Variants in SNTG2 observed in about 807,000 individuals in gnomAD.
SNTG2 encodes the protein gamma-2-syntrophin.
A neutral mutation model predicts 70.9 loss-of-function variants in SNTG2; 74 were observed. The observed-to-expected ratio is 1.04, with a 90% CI of 0.86 to 1.27. SNTG2 has a LOEUF of 1.27. Among genes scored for constraint, SNTG2 ranks in the 50% most tolerant of loss-of-function variants. The pLI, the probability that SNTG2 is intolerant of heterozygous loss-of-function variation, is 0.00. For synonymous variants in SNTG2, 278 were observed against 273.8 expected, an observed-to-expected ratio of 1.02 and a Z score of -0.15; for missense variants, 717 against 690.7, an observed-to-expected ratio of 1.04 and a Z score of -0.43.
At chr2:1,332,134 A>G (rs1197807656) in intron 16 of SNTG2, among the ~76,000 whole-genome samples, 3 of 152,190 alleles carry the variant, frequency 2.0e-5, no homozygotes, top group African/African-American at 7.2e-5. Flanking sequence ...TCATTTGGTA[A>G]ACATATGTCA....
chr2:1,212,706 G>A (rs1050888229), intron 9 of SNTG2, among the ~76,000 whole-genome samples: 2 of 152,256 alleles, frequency 1.3e-5, no homozygotes, highest in African/African-American at 2.4e-5. Context: ...GTCCCATTTA[G>A]AGGCTGAGAT....
chr2:1,247,936 T>C (rs1677530575), intron 12 of SNTG2, among the ~76,000 whole-genome samples: 1 of 152,208 alleles, frequency 6.6e-6, no homozygotes, highest in African/African-American at 2.4e-5. Context: ...AATTTCATTT[T>C]CCAGTGCCCA....
chr2:1,096,424 G>A (rs997492192), intron 2 of SNTG2, among the ~76,000 whole-genome samples: 1 of 152,072 alleles, frequency 6.6e-6, no homozygotes, highest in African/African-American at 2.4e-5. Flanking sequence ...TTCCATTAGA[G>A]CCACAGAACT....
At chr2:1,100,139 C>T (rs1326151001) in intron 4 of SNTG2, among the ~76,000 whole-genome samples, 2 of 151,130 alleles carry the variant, frequency 1.3e-5, no homozygotes, top group Non-Finnish European at 2.9e-5. Flanking sequence ...AATGAAAGGA[C>T]GATTCTTTTC....
intron 1 of SNTG2, among the ~76,000 whole-genome samples, chr2:1,022,826 G>C (rs35805856): frequency 0.081 from 12,294 of 152,222 alleles, 718 homozygotes; most frequent in Admixed American, 0.2. Context: ...TAGCTGAGAA[G>C]CTGCAGTTAA....
rs187711394 is a variant in SNTG2, at chr2:1,364,631, G to A, written c.1489-2712G>A. Among the ~76,000 whole-genome samples, 25 of 151,164 alleles carry A rather than the reference G, an allele frequency of 1.7e-4. No individual in the cohort carries two copies. In the East Asian group the frequency reaches 4.7e-3, roughly 28 times the overall value. On this transcript the variant is annotated intron_variant, in intron 16 of 16. Transcript: ENST00000308624. The stretch of plus-strand genomic sequence containing the variant: ...AAATTAGCCAGGCATGGTGGTGGGC[G>A]CCTGTAGTCCCAGCTACTTGGGAGG...
intron 8 of SNTG2, among the ~76,000 whole-genome samples, chr2:1,186,518 C>T (rs1400572547): frequency 6.6e-6 from 1 of 152,122 alleles, no homozygotes; most frequent in Non-Finnish European, 1.5e-5. Flanking sequence ...TTAATTGGCT[C>T]ATAGTACCAC....
intron 9 of SNTG2, among the ~76,000 whole-genome samples, chr2:1,216,811 C>G (rs551740424): frequency 6.6e-6 from 1 of 152,164 alleles, no homozygotes; most frequent in Non-Finnish European, 1.5e-5. Flanking sequence ...AGGGAGAGAC[C>G]TGGTGGGAGA....
At chr2:1,004,263 A>G (rs199958479) in intron 1 of SNTG2, among the ~76,000 whole-genome samples, 8 of 152,360 alleles carry the variant, frequency 5.3e-5, no homozygotes, top group East Asian at 3.9e-4. Flanking sequence ...AGCCTGGTTT[A>G]TGTTGGATAT....
intron 9 of SNTG2, among the ~76,000 whole-genome samples, chr2:1,221,449 GTCTC>G (rs1198890025): frequency 2.3e-5 from 2 of 86,178 alleles, no homozygotes; most frequent in Non-Finnish European, 4.4e-5. Context: ...CTCTGTCTCT[GTCTC>G]TCTCTGTCTC....
intron 16 of SNTG2, among the ~76,000 whole-genome samples, chr2:1,322,617 G>GTCTCTATCTCTCTCACTCTGTCTCTC (rs1681582743): frequency 1.3e-5 from 2 of 151,960 alleles, no homozygotes; most frequent in Non-Finnish European, 2.9e-5. Flanking sequence ...CTTTGTCTCT[G>GTCTCTATCTCTCTCACTCTGTCTCTC]TCTCTATCTC....
At chr2:1,034,823 T>A (rs1339152614) in intron 1 of SNTG2, among the ~76,000 whole-genome samples, 1 of 152,214 alleles carries the variant, frequency 6.6e-6, no homozygotes, top group Non-Finnish European at 1.5e-5. Context: ...GGCAGAAAAT[T>A]AACAAAGACA....
chr2:1,229,306 C>G (rs571172248), intron 9 of SNTG2, among the ~76,000 whole-genome samples: 1 of 11,378 alleles, frequency 8.8e-5, no homozygotes, highest in South Asian at 6.9e-3. Context: ...ACGTTCCCAT[C>G]AGGTTAGATA....
intron 13 of SNTG2, among the ~76,000 whole-genome samples, chr2:1,265,753 A>G (rs1678694193): frequency 6.6e-6 from 1 of 152,250 alleles, no homozygotes; most frequent in South Asian, 2.1e-4. Flanking sequence ...GCTGGTTGGC[A>G]CAAGTGAATG....
intron 1 of SNTG2, among the ~76,000 whole-genome samples, chr2:965,508 CAGGG>C (rs1468639057): frequency 6.7e-6 from 1 of 149,614 alleles, no homozygotes; most frequent in African/African-American, 2.5e-5. Context: ...TGGTCTTCTT[CAGGG>C]TCCCCTCCTC....
chr2:1,216,861 T>C (rs998962554), intron 9 of SNTG2, among the ~76,000 whole-genome samples: 2 of 152,198 alleles, frequency 1.3e-5, no homozygotes, highest in African/African-American at 4.8e-5. Context: ...GTTGTTCTCA[T>C]GATAGCGAGT....
At chr2:1,101,289 A>G (rs1351574792) in intron 4 of SNTG2, among the ~76,000 whole-genome samples, 1 of 151,600 alleles carries the variant, frequency 6.6e-6, no homozygotes, top group East Asian at 1.9e-4. Flanking sequence ...CAGGCCCACG[A>G]CCTCAGCAGG....
At chr2:1,152,646 C>A (rs77420961) in intron 6 of SNTG2, among the ~76,000 whole-genome samples, 1 of 152,118 alleles carries the variant, frequency 6.6e-6, no homozygotes, top group Non-Finnish European at 1.5e-5. Flanking sequence ...TTGTGTGTAA[C>A]ATTTGTAGTT....
intron 1 of SNTG2, among the ~76,000 whole-genome samples, chr2:970,197 C>T (rs938652020): frequency 4.6e-5 from 7 of 152,190 alleles, no homozygotes; most frequent in African/African-American, 7.2e-5. Flanking sequence ...AACCTTGCAT[C>T]CCAGGGATAA....
Sources: allele counts gnomAD v4.1 joint callset (sites outside exome capture counted in the v4.1 genomes callset), GRCh38; gene constraint gnomAD v4.1.1; transcripts MANE v1.5; gene names NCBI Gene and HGNC (gene_info 2026-07-23, HGNC 2026-07-21).